The following ERBIN variants were observed in gnomAD, a reference collection of about 807,000 sequenced individuals.
The protein encoded by ERBIN is erbb2 interacting protein, also known as densin-180-like protein.
A neutral mutation model predicts 158.4 loss-of-function variants in ERBIN; 60 were observed. The ratio of observed to expected loss-of-function variants is 0.38; its 90% CI spans 0.31 to 0.47. The LOEUF is 0.47. Ranked by LOEUF, ERBIN falls within the 20% of genes least tolerant of loss-of-function variation. The probability of loss-of-function intolerance (pLI) is 0.99; values close to 1 mark genes in which losing one functional copy is unlikely to be tolerated. For missense variants in ERBIN, 1,610 were observed against 1,648.0 expected, an observed-to-expected ratio of 0.98 and a Z score of 0.40; for synonymous variants, 594 against 557.2, an observed-to-expected ratio of 1.07 and a Z score of -0.93.
chr5:65,939,654 C>G (rs1324130092), intron 1 of ERBIN, among the ~76,000 whole-genome samples: 1 of 70,940 alleles, frequency 1.4e-5, no homozygotes, highest in African/African-American at 3.4e-5. Flanking sequence ...CTGCCTGATT[C>G]TCCTGCCTCA....
At chr5:66,055,941 C>T (rs976357796) in intron 21 of ERBIN, among the ~76,000 whole-genome samples, 3 of 152,140 alleles carry the variant, frequency 2.0e-5, no homozygotes, top group African/African-American at 7.2e-5. Flanking sequence ...TAAATATCCA[C>T]AAGCATTAGG....
intron 21 of ERBIN, among the ~76,000 whole-genome samples, chr5:66,058,056 G>A (rs1266392074): frequency 6.6e-6 from 1 of 152,064 alleles, no homozygotes; most frequent in African/African-American, 2.4e-5. Flanking sequence ...ACCCAGTAAT[G>A]GGATTGCTGG....
chr5:65,980,775 C>T (rs1037703426), intron 1 of ERBIN, among the ~76,000 whole-genome samples: 2 of 151,368 alleles, frequency 1.3e-5, no homozygotes, highest in Non-Finnish European at 2.9e-5. Flanking sequence ...AAGATATGAG[C>T]CCTAAATATC....
chr5:65,946,468 A>C (rs1294388054), intron 1 of ERBIN, among the ~76,000 whole-genome samples: 1 of 152,162 alleles, frequency 6.6e-6, no homozygotes, highest in African/African-American at 2.4e-5. Context: ...TATAGCTATA[A>C]TTTGTTCATT....
chr5:66,044,456 T>C (rs555871041), intron 17 of ERBIN, 146 bp downstream of exon 17: 8 of 735,474 alleles, frequency 1.1e-5, no homozygotes, highest in African/African-American at 5.4e-5. Context: ...CACATACATA[T>C]GATGGTGGTC....
At chr5:66,049,397 T>A (rs7737289) in intron 19 of ERBIN, among the ~76,000 whole-genome samples, 1 of 152,066 alleles carries the variant, frequency 6.6e-6, no homozygotes, top group Non-Finnish European at 1.5e-5. Flanking sequence ...ATGATACTTA[T>A]TATCAAGGTG....
At chr5:66,042,386 ATC>A in intron 15 of ERBIN, among the ~76,000 whole-genome samples, 1 of 152,086 alleles carries the variant, frequency 6.6e-6, no homozygotes, top group East Asian at 1.9e-4. Flanking sequence ...CAGGTTGAGT[ATC>A]TCTTATCCAA....
intron 1 of ERBIN, among the ~76,000 whole-genome samples, chr5:65,947,005 G>A (rs749550443): frequency 1.5e-4 from 23 of 151,398 alleles, no homozygotes; most frequent in South Asian, 4.2e-4. Context: ...ATATGGATCC[G>A]TTTTTGGATA....
chr5:66,065,062 T>C (rs1457898413), intron 21 of ERBIN, among the ~76,000 whole-genome samples: 1 of 152,150 alleles, frequency 6.6e-6, no homozygotes. Flanking sequence ...CATTGTGGTA[T>C]AGTATAAAAG....
chr5:66,034,231 G>A (rs1015717851), intron 14 of ERBIN, among the ~76,000 whole-genome samples: 1 of 151,966 alleles, frequency 6.6e-6, no homozygotes, highest in Non-Finnish European at 1.5e-5. Context: ...GTTTGTGAAA[G>A]GGAGGAGAGG....
chr5:65,956,857 C>T (rs933586818), intron 1 of ERBIN, among the ~76,000 whole-genome samples: 2 of 152,248 alleles, frequency 1.3e-5, no homozygotes, highest in Non-Finnish European at 2.9e-5. Context: ...TTGAAGATGA[C>T]ATTGTTGTAT....
At chr5:66,002,169 A>T (rs1208220957) in intron 4 of ERBIN, among the ~76,000 whole-genome samples, 1 of 152,136 alleles carries the variant, frequency 6.6e-6, no homozygotes, top group Non-Finnish European at 1.5e-5. Context: ...GCTGCATAAT[A>T]TTCCATGGTG....
chr5:65,943,152 A>G (rs1745275446), intron 1 of ERBIN, among the ~76,000 whole-genome samples: 1 of 152,168 alleles, frequency 6.6e-6, no homozygotes, highest in Non-Finnish European at 1.5e-5. Context: ...GGTTTTGACA[A>G]ATGTATACAT....
Position 66,076,320 on chromosome 5 carries a change from G to A in ERBIN, c.3968G>A (p.Arg1323Gln), listed in dbSNP as rs191439793. 34 of 1,611,038 alleles carry A rather than the reference G, an allele frequency of 2.1e-5. No individual in the cohort carries two copies. The highest frequency in any genetic ancestry group is 8.9e-5 in the South Asian group (8 of 90,216). Residue 1323 changes from arginine (R) to glutamine (Q), a missense_variant, in exon 24 of 26, where the codon CGA becomes CAA. This residue lies in a region of ERBIN where 1,014 missense variants were observed against 936.1 expected (regional missense o/e 1.08). Transcript: ENST00000284037. ...TTTATTTTCATATTAACTCAGATTC[G>A]AGTGAGGGTTGAAAAGGATCCAGAA... ...QGHELAKQEIRVRVEKDPELG... is the reference protein window; with the variant it reads ...QGHELAKQEIQVRVEKDPELG...
intron 1 of ERBIN, among the ~76,000 whole-genome samples, chr5:65,983,331 A>G (rs956086656): frequency 6.6e-6 from 1 of 152,104 alleles, no homozygotes; most frequent in Non-Finnish European, 1.5e-5. Flanking sequence ...ATCACATTTT[A>G]TATATATTTA....
chr5:65,929,490 C>A (rs13354781), intron 1 of ERBIN, among the ~76,000 whole-genome samples: 2,437 of 152,256 alleles, frequency 0.016, 67 homozygotes, highest in African/African-American at 0.056. Flanking sequence ...TATCCAGATT[C>A]TCCTTACATA....
chr5:66,027,062 T>C (rs768482378), intron 13 of ERBIN, among the ~76,000 whole-genome samples: 1 of 152,024 alleles, frequency 6.6e-6, no homozygotes, highest in Admixed American at 6.6e-5. Flanking sequence ...GTAAACATAC[T>C]AATGATGATT....
chr5:66,064,871 A>G, intron 21 of ERBIN, among the ~76,000 whole-genome samples: 1 of 152,102 alleles, frequency 6.6e-6, no homozygotes, highest in Non-Finnish European at 1.5e-5. Context: ...TTAATTAATT[A>G]ATTTTTTAAA....
intron 9 of ERBIN, among the ~76,000 whole-genome samples, chr5:66,023,813 C>T (rs899706659): frequency 6.6e-6 from 1 of 151,868 alleles, no homozygotes; most frequent in African/African-American, 2.4e-5. Flanking sequence ...GTAGCTGGGA[C>T]TACAGGTGAC....
Sources: allele counts gnomAD v4.1 joint callset (sites outside exome capture counted in the v4.1 genomes callset), GRCh38; gene constraint gnomAD v4.1.1; regional missense constraint gnomAD v4.1.1; transcripts MANE v1.5; gene names NCBI Gene and HGNC (gene_info 2026-07-23, HGNC 2026-07-21).